The following RICTOR variants were observed in gnomAD, a reference collection of about 807,000 sequenced individuals.
RICTOR encodes the protein RPTOR independent companion of MTOR complex 2.
Under a neutral mutation model 214.9 loss-of-function variants are expected in RICTOR, and 49 were observed. The observed-to-expected ratio is 0.23, with a 90% confidence interval of 0.18 to 0.29. The LOEUF is 0.29. Among genes scored for constraint, RICTOR ranks in the 10% least tolerant of loss-of-function variants. The probability of loss-of-function intolerance (pLI) is 1.00; values close to 1 mark genes in which losing one functional copy is unlikely to be tolerated. For missense variants in RICTOR, 1,625 were observed against 2,047.0 expected (o/e 0.79, Z 3.98); for synonymous variants, 717 against 711.3 (o/e 1.01, Z -0.13).
At chr5:39,033,396 T>C (rs1032250793) in intron 2 of RICTOR, among the ~76,000 whole-genome samples, 1 of 152,114 alleles carries the variant, frequency 6.6e-6, no homozygotes, top group Non-Finnish European at 1.5e-5. Context: ...CCTGAGTAGC[T>C]GGGATTACAG....
intron 3 of RICTOR, among the ~76,000 whole-genome samples, chr5:39,011,240 T>C (rs946685220): frequency 2.0e-5 from 3 of 152,180 alleles, no homozygotes; most frequent in African/African-American, 7.2e-5. Context: ...GCCTTGGCAA[T>C]TTACACATGG....
At chr5:38,957,597 T>G in intron 25 of RICTOR, 55 bp downstream of exon 25, 1 of 936,330 alleles carries the variant, frequency 1.1e-6, no homozygotes, top group East Asian at 2.5e-5. Context: ...AATTCACAAA[T>G]CAATTTCAGA....
At chr5:39,062,378 T>G (rs938794943) in intron 2 of RICTOR, among the ~76,000 whole-genome samples, 7 of 152,112 alleles carry the variant, frequency 4.6e-5, no homozygotes, top group Admixed American at 1.3e-4. Flanking sequence ...CTGGAGTCTC[T>G]CCCTGCAACT....
chr5:38,953,963 T>C (rs1003005799), intron 27 of RICTOR, among the ~76,000 whole-genome samples: 3 of 151,936 alleles, frequency 2.0e-5, no homozygotes, highest in African/African-American at 4.8e-5. Flanking sequence ...GGTTTTATCA[T>C]ACTATGTAAG....
chr5:38,975,630 G>A lies in RICTOR; in HGVS notation c.822-26C>T, dbSNP rs757360558. 1.9e-6 allele frequency: 3 copies of A among 1,568,902 alleles called. No homozygotes were observed. In the South Asian group the frequency reaches 3.3e-5, roughly 17 times the overall value. On this transcript the variant is annotated intron_variant, in intron 9 of 37. Transcript: ENST00000357387. ...CTGTTGGGGGTGGGGAGGCAGCGGG[G>A]AGAATCAATGAAATAAAATGTTAAA...
chr5:39,071,693 C>T (rs936883081), intron 2 of RICTOR, among the ~76,000 whole-genome samples: 8 of 152,220 alleles, frequency 5.3e-5, no homozygotes, highest in Non-Finnish European at 1.0e-4. Context: ...TTATAGTCAA[C>T]TCTCTTTTCA....
intron 2 of RICTOR, among the ~76,000 whole-genome samples, chr5:39,065,247 G>A (rs1374088777): frequency 6.6e-6 from 1 of 152,140 alleles, no homozygotes; most frequent in Non-Finnish European, 1.5e-5. Flanking sequence ...GGCAGAGCGG[G>A]AGCAAGAGGG....
At chr5:38,963,455 A>T (rs1174050462) in intron 16 of RICTOR, among the ~76,000 whole-genome samples, 1 of 151,992 alleles carries the variant, frequency 6.6e-6, no homozygotes, top group African/African-American at 2.4e-5. Flanking sequence ...TCCCATATGG[A>T]TAATCAATGA....
Position 39,011,283 on chromosome 5 carries a change from T to C in RICTOR, c.196-7661A>G, listed in dbSNP as rs548480755. 1.2e-4 allele frequency among the ~76,000 whole-genome samples: 18 copies of C among 152,344 alleles called. No homozygotes were observed. In the South Asian group the frequency reaches 1.4e-3, roughly 12 times the overall value. On this transcript the variant is annotated intron_variant, in intron 3 of 37. Transcript: ENST00000357387. ...CCTGTGGGTGCACAGAAGTCAAGAA[T>C]TGAGGTTTGGGAACCTCCATCTAGA...
rs755752960 is a variant in RICTOR, at chr5:38,950,130, T to G, written c.3718A>C (p.Thr1240Pro). The change falls in exon 31 of 38, where the codon ACA becomes CCA. Residue 1240 changes from threonine to proline, a missense_variant. Around this residue, in one of 5 missense-constraint regions of RICTOR, gnomAD observed 1,214 missense variants for 1,470.5 expected, o/e 0.83. Transcript: ENST00000357387. ...ATAGTTGTAGCATCTACACCTACTG[T>G]CTCTCGTGAAGGACTTGAGCTCATT... ...SSMSSSPSRE[T>P]VGVDATTMDT... is the part of the protein sequence containing the mutation. 1.2e-6 allele frequency: 2 copies of G among 1,613,348 alleles called. No homozygotes were observed. Among genetic ancestry groups the G allele is most frequent in the African/African-American group, 2.7e-5 (2 of 74,852 alleles).
At chr5:39,039,517 G>T (rs1366643987) in intron 2 of RICTOR, among the ~76,000 whole-genome samples, 1 of 152,132 alleles carries the variant, frequency 6.6e-6, no homozygotes, top group African/African-American at 2.4e-5. Flanking sequence ...ACTACCATCA[G>T]AGTGAACAGG....
chr5:39,019,749 T>C (rs11743901), intron 3 of RICTOR, among the ~76,000 whole-genome samples: 27,427 of 152,076 alleles, frequency 0.18, 2,685 homozygotes, highest in African/African-American at 0.22. Context: ...AATCGGGGAA[T>C]TGGGGAATAA....
In RICTOR at chr5:38,960,442, C is replaced by A. The variant is rs767688258; in HGVS notation, c.1807G>T (p.Val603Phe). ...LDFAKAKQLTVVGCQFTEFLL... is the reference protein window; with the variant it reads ...LDFAKAKQLTFVGCQFTEFLL... ...AATTCTGTAAACTGGCAACCTACAA[C>A]CGTGAGCTGTTTGGCCTTGGCAAAA... The change falls in exon 20 of 38, where the codon GTT becomes TTT. Residue 603 changes from valine to phenylalanine, a missense_variant. This residue lies in a region of RICTOR where 1,214 missense variants were observed against 1,470.5 expected (regional missense o/e 0.83). Coordinates refer to ENST00000357387, the MANE Select transcript of RICTOR (RefSeq NM_152756.5). The A allele has an allele frequency of 6.2e-7, 1 of 1,613,932 alleles. No homozygotes were observed. The highest frequency in any genetic ancestry group is 1.1e-5 in the South Asian group (1 of 91,078).
In RICTOR at chr5:38,959,939, C is replaced by T. The variant is rs1233385275; in HGVS notation, c.1891G>A (p.Val631Ile). Residue 631 changes from valine (V) to isoleucine (I), a missense_variant, in exon 21 of 38, where the codon GTT becomes ATT. By Grantham distance (29) the Val-to-Ile change is conservative. Around this residue, in one of 5 missense-constraint regions of RICTOR, gnomAD observed 1,214 missense variants for 1,470.5 expected, o/e 0.83. Transcript: ENST00000357387. ...GYLEDLVKDI[V>I]QWLNASSGMK... ...CCAGATGAAGCATTGAGCCACTGAACAATATCCTTTACTAGATCTTCTAAG... is the reference window on the plus strand; with the variant it reads ...CCAGATGAAGCATTGAGCCACTGAATAATATCCTTTACTAGATCTTCTAAG... 1 of 1,612,882 alleles carries T rather than the reference C, an allele frequency of 6.2e-7. No individual in the cohort carries two copies. The highest frequency in any genetic ancestry group is 1.3e-5 in the African/African-American group (1 of 74,990).
intron 21 of RICTOR, 39 bp downstream of exon 21, chr5:38,959,740 G>C: frequency 1.5e-6 from 2 of 1,320,900 alleles, no homozygotes; most frequent in South Asian, 1.2e-5. Context: ...TAAAAATAAA[G>C]TTCATGTATA....
rs188234271 is a variant in RICTOR, at chr5:38,965,404, G to A, written c.1300-512C>T. Among the ~76,000 whole-genome samples, 570 of 152,000 alleles carry A rather than the reference G, an allele frequency of 3.7e-3. 5 individuals are homozygous for A. Among genetic ancestry groups the A allele is most frequent in the African/African-American group, 0.013 (544 of 41,506 alleles). On this transcript the variant is annotated intron_variant, in intron 15 of 37. Transcript: ENST00000357387. Reference sequence around the variant, plus strand: ...AAACAAAAACCTCACCACCCAACCAGCTATCAATGAAGACAAGTACATCGA... The same window carrying A: ...AAACAAAAACCTCACCACCCAACCAACTATCAATGAAGACAAGTACATCGA...
intron 2 of RICTOR, among the ~76,000 whole-genome samples, chr5:39,045,897 G>A (rs1158699281): frequency 6.6e-6 from 1 of 151,920 alleles, no homozygotes; most frequent in Non-Finnish European, 1.5e-5. Flanking sequence ...TGAAAAATAT[G>A]TTGTTACCGT....
chr5:38,953,161 G>C (rs576520759), intron 28 of RICTOR, 70 bp from the exon 29 acceptor site: 1 of 1,108,252 alleles, frequency 9.0e-7, no homozygotes, highest in East Asian at 2.4e-5. Flanking sequence ...AAGCTACCAA[G>C]AAACAAATTT....
chr5:39,016,247 A>T (rs1302799655), intron 3 of RICTOR, among the ~76,000 whole-genome samples: 1 of 151,506 alleles, frequency 6.6e-6, no homozygotes, highest in Non-Finnish European at 1.5e-5. Context: ...AAAAAGTACA[A>T]AAAGTTTAGA....
Sources: allele counts gnomAD v4.1 joint callset (sites outside exome capture counted in the v4.1 genomes callset), GRCh38; gene constraint gnomAD v4.1.1; regional missense constraint gnomAD v4.1.1; transcripts MANE v1.5; gene names NCBI Gene and HGNC (gene_info 2026-07-23, HGNC 2026-07-21).